The following MAGI1 variants were observed in gnomAD, a reference collection of about 807,000 sequenced individuals.
MAGI1 encodes membrane associated guanylate kinase, WW and PDZ domain containing 1, also known as membrane-associated guanylate kinase, WW and PDZ domain-containing protein 1.
In MAGI1, 58 loss-of-function variants were observed where a neutral mutation model predicts 139.9. The ratio of observed to expected loss-of-function variants is 0.41; its 90% confidence interval spans 0.34 to 0.52. The LOEUF is 0.52. Among genes scored for constraint, MAGI1 ranks in the 20% least tolerant of loss-of-function variants. The pLI, the probability that MAGI1 is intolerant of heterozygous loss-of-function variation, is 0.12. For synonymous variants in MAGI1, 812 were observed against 737.9 expected, an observed-to-expected ratio of 1.10 and a Z score of -1.63; for missense variants, 1,874 against 1,901.6, an observed-to-expected ratio of 0.99 and a Z score of 0.27.
rs58365928 is a variant in MAGI1 at position 65,680,795 on chromosome 3, T to TATG, written c.314-58708_314-58707insCAT. ...TATGATATGATATGATATGATATGATATACTTTAATAATTATTAAAATCAT... is the reference window on the plus strand; with the variant it reads ...TATGATATGATATGATATGATATGATATGATACTTTAATAATTATTAAAATCAT... On this transcript the variant is annotated intron_variant, in intron 1 of 22. Coordinates refer to ENST00000402939, the MANE Select transcript of MAGI1 (RefSeq NM_001033057.2). Among the ~76,000 whole-genome samples, 372 of 151,272 alleles carry TATG rather than the reference T, an allele frequency of 2.5e-3. 1 individual carries two copies. The highest frequency in any genetic ancestry group is 8.3e-3 in the African/African-American group (338 of 40,900).
At chr3:65,388,783 G>A (rs1256646086) in intron 14 of MAGI1, among the ~76,000 whole-genome samples, 5 of 148,524 alleles carry the variant, frequency 3.4e-5, no homozygotes, top group Middle Eastern at 3.5e-3. Context: ...TGCTCTATCC[G>A]ATTCCTTAGA....
rs901354882 is a variant in MAGI1, at chr3:65,790,903, C to G, written c.314-168815G>C. ...CAGCCTGGCCAACATGGTAAAATCC[C>G]ATTTCTACTAAAAATACAAAAATTA... On this transcript the variant is annotated intron_variant, in intron 1 of 22. Coordinates refer to ENST00000402939, the MANE Select transcript of MAGI1 (RefSeq NM_001033057.2). Among the ~76,000 whole-genome samples the G allele has an allele frequency of 2.0e-5, 3 of 152,022 alleles. No homozygotes were observed. The South Asian group carries it at 6.2e-4, about 32-fold the overall frequency.
chr3:65,478,649 C>G lies in MAGI1; in HGVS notation c.700G>C (p.Val234Leu), dbSNP rs1951053254. ...TCCTCCTCCTCATTCTCCGCGTGGA[C>G]TATGCCAGCATTTTGCATATCATTG... ...SYNDMQNAGI[V>L]HAENEEEDDV... The change falls in exon 4 of 23, where the codon GTC becomes CTC. Residue 234 changes from valine (V) to leucine (L), a missense_variant. Transcript: ENST00000402939. 6.2e-7 allele frequency: 1 copy of G among 1,613,924 alleles called. No homozygotes were observed. Among genetic ancestry groups the G allele is most frequent in the Admixed American group, 1.7e-5 (1 of 59,978 alleles).
intron 2 of MAGI1, among the ~76,000 whole-genome samples, chr3:65,581,733 C>G (rs1328622878): frequency 1.3e-5 from 2 of 152,186 alleles, no homozygotes; most frequent in Non-Finnish European, 2.9e-5. Context: ...CCCAATACCC[C>G]TTACCTTGCT....
chr3:65,554,531 A>G (rs940054694), intron 2 of MAGI1, among the ~76,000 whole-genome samples: 1 of 152,176 alleles, frequency 6.6e-6, no homozygotes, highest in Non-Finnish European at 1.5e-5. Flanking sequence ...TCTCTTAATG[A>G]GTCAGCTAAG....
chr3:65,658,749 C>T (rs2086026040), intron 1 of MAGI1, among the ~76,000 whole-genome samples: 1 of 152,206 alleles, frequency 6.6e-6, no homozygotes, highest in Non-Finnish European at 1.5e-5. Context: ...TTCATCCGTT[C>T]ACAAGCCATC....
intron 1 of MAGI1, among the ~76,000 whole-genome samples, chr3:65,652,654 T>A (rs2085649869): frequency 6.6e-6 from 1 of 152,144 alleles, no homozygotes. Flanking sequence ...CTCTAGGGAT[T>A]TCGTGGTTTG....
chr3:65,702,343 T>A (rs1252886202), intron 1 of MAGI1, among the ~76,000 whole-genome samples: 1 of 152,146 alleles, frequency 6.6e-6, no homozygotes, highest in African/African-American at 2.4e-5. Flanking sequence ...GTTTCCACAG[T>A]GGAACCCAAT....
chr3:65,773,436 G>A lies in MAGI1; in HGVS notation c.314-151348C>T, dbSNP rs188346067. On this transcript the variant is annotated intron_variant, in intron 1 of 22. Coordinates refer to ENST00000402939, the MANE Select transcript of MAGI1 (RefSeq NM_001033057.2). ...TAGTCCCAGCTACTCAGGTGGCTGA[G>A]GCAGGAAGATCACTTGAGCCTGGGA... Among the ~76,000 whole-genome samples, 64 of 152,268 alleles carry A rather than the reference G, an allele frequency of 4.2e-4. No individual in the cohort carries two copies. The East Asian group carries it at 0.012, about 29-fold the overall frequency.
Position 65,478,694 on chromosome 3 carries a change from G to C in MAGI1, c.655C>G (p.Pro219Ala). Residue 219 changes from proline (P) to alanine (A), a missense_variant, in exon 4 of 23, where the codon CCG becomes GCG. Pro to Ala is a conservative substitution (Grantham distance 27). Coordinates refer to ENST00000402939, the MANE Select transcript of MAGI1 (RefSeq NM_001033057.2). ...TCATTGTAGGACTTGGTTCGCTTCG[G>C]GGTCGACTGCTTAGAGCCAGACTGA... ...SLQSGSKQST[P>A]KRTKSYNDMQ... is the part of the protein sequence containing the mutation. 1 of 1,614,006 alleles carries C rather than the reference G, an allele frequency of 6.2e-7. No homozygotes were observed. The highest frequency in any genetic ancestry group is 8.5e-7 in the Non-Finnish European group (1 of 1,179,978).
At chr3:65,461,150 T>C (rs1476143456) in intron 5 of MAGI1, among the ~76,000 whole-genome samples, 1 of 152,178 alleles carries the variant, frequency 6.6e-6, no homozygotes, top group African/African-American at 2.4e-5. Context: ...GTTGAACTAA[T>C]TTACACTCCC....
chr3:65,450,884 T>A (rs1948993977), intron 6 of MAGI1, among the ~76,000 whole-genome samples: 1 of 152,206 alleles, frequency 6.6e-6, no homozygotes, highest in Non-Finnish European at 1.5e-5. Flanking sequence ...GTTTTTCTGC[T>A]TTGTGTTATA....
chr3:65,935,201 T>C (rs1358491620), intron 1 of MAGI1, among the ~76,000 whole-genome samples: 4 of 151,956 alleles, frequency 2.6e-5, no homozygotes, highest in Non-Finnish European at 1.5e-5. Context: ...ATATTTCAGG[T>C]GGAGAGAAAC....
At chr3:65,796,439 C>A (rs1034164542) in intron 1 of MAGI1, among the ~76,000 whole-genome samples, 5 of 152,078 alleles carry the variant, frequency 3.3e-5, no homozygotes, top group Non-Finnish European at 7.4e-5. Flanking sequence ...TAGCCAAGTA[C>A]AAACAAAATT....
chr3:65,913,044 G>T (rs1423335101), intron 1 of MAGI1, among the ~76,000 whole-genome samples: 1 of 152,156 alleles, frequency 6.6e-6, no homozygotes, highest in African/African-American at 2.4e-5. Context: ...AGGCAAGGCA[G>T]GCAGATCACT....
intron 1 of MAGI1, among the ~76,000 whole-genome samples, chr3:66,019,494 A>T (rs1045935401): frequency 2.0e-5 from 3 of 152,268 alleles, no homozygotes; most frequent in Non-Finnish European, 4.4e-5. Context: ...CTCTGCAATT[A>T]GAACCAGATT....
At chr3:65,979,099 GCC>G (rs1452926112) in intron 1 of MAGI1, among the ~76,000 whole-genome samples, 2 of 26,270 alleles carry the variant, frequency 7.6e-5, no homozygotes, top group Non-Finnish European at 1.5e-4. Context: ...CCCCCCCCCC[GCC>G]ACCCCCCACA....
rs1215449151 is a variant in MAGI1, at chr3:65,356,710, G to T, written c.4057C>A (p.Arg1353=). 1.3e-6 allele frequency: 2 copies of T among 1,592,962 alleles called. No individual in the cohort carries two copies. Among genetic ancestry groups the T allele is most frequent in the Admixed American group, 1.7e-5 (1 of 57,384 alleles). Residue 1353 remains arginine, a synonymous_variant, in exon 23 of 23, where the codon CGG becomes AGG. Transcript: ENST00000402939. ...HEKRRDVSPE[R]RRERSPTRRR... ...CGGGTGGGTGACCGCTCTCGCCTCCGCTCCGGAGAGACGTCTCGTCTCTTC... is the reference window on the plus strand; with the variant it reads ...CGGGTGGGTGACCGCTCTCGCCTCCTCTCCGGAGAGACGTCTCGTCTCTTC...
chr3:65,502,100 C>T (rs560372109), intron 2 of MAGI1, among the ~76,000 whole-genome samples: 33 of 152,222 alleles, frequency 2.2e-4, no homozygotes, highest in African/African-American at 6.7e-4. Context: ...GGTGGTTGCA[C>T]GACTGTGCTT....
Sources: allele counts gnomAD v4.1 joint callset (sites outside exome capture counted in the v4.1 genomes callset), GRCh38; gene constraint gnomAD v4.1.1; transcripts MANE v1.5; gene names NCBI Gene and HGNC (gene_info 2026-07-23, HGNC 2026-07-21).